The following ALDH1A2 variants were observed in gnomAD, a reference collection of about 807,000 sequenced individuals.
ALDH1A2 encodes retinal dehydrogenase 2.
In ALDH1A2, 27 loss-of-function variants were observed where a neutral mutation model predicts 60.3. That is an observed-to-expected ratio of 0.45 (90% CI 0.33 to 0.62). The LOEUF (loss-of-function observed/expected upper bound fraction) is 0.62. Among genes scored for constraint, ALDH1A2 ranks in the 20% least tolerant of loss-of-function variants. The probability of loss-of-function intolerance (pLI) is 0.02; values close to 1 mark genes in which losing one functional copy is unlikely to be tolerated. For missense variants in ALDH1A2, 581 were observed against 643.8 expected (o/e 0.90, Z 1.06); for synonymous variants, 289 against 232.4 (o/e 1.24, Z -2.21).
chr15:57,967,786 C>G (rs532803660), intron 7 of ALDH1A2, among the ~76,000 whole-genome samples: 6 of 152,286 alleles, frequency 3.9e-5, no homozygotes, highest in African/African-American at 9.6e-5. Flanking sequence ...GCCAGACTGC[C>G]CTTCCCCCGC....
At chr15:58,058,148 T>TA in intron 1 of ALDH1A2, 1 of 1,338,130 alleles carries the variant, frequency 7.5e-7, no homozygotes, top group African/African-American at 1.4e-5. Context: ...CATAAATTCA[T>TA]ACAGGCATTT....
At chr15:58,062,195 C>T (rs1361717719) in intron 1 of ALDH1A2, among the ~76,000 whole-genome samples, 1 of 151,982 alleles carries the variant, frequency 6.6e-6, no homozygotes, top group African/African-American at 2.4e-5. Flanking sequence ...TGTTTCAGCC[C>T]CATATAATAT....
intron 1 of ALDH1A2, among the ~76,000 whole-genome samples, chr15:58,021,039 T>C (rs1188638791): frequency 4.6e-5 from 7 of 152,222 alleles, no homozygotes; most frequent in African/African-American, 1.2e-4. Flanking sequence ...TTTTGTTTAA[T>C]AGTAGCATAG....
chr15:58,023,658 G>GGAAAAAAAAAAA (rs775450508), intron 1 of ALDH1A2, among the ~76,000 whole-genome samples: 8 of 129,424 alleles, frequency 6.2e-5, no homozygotes, highest in East Asian at 4.3e-4. Flanking sequence ...AAAGTGCTGG[G>GGAAAAAAAAAAA]AAAAAAAAAA....
chr15:58,016,236 G>A (rs1273419879), intron 1 of ALDH1A2, among the ~76,000 whole-genome samples: 5 of 151,548 alleles, frequency 3.3e-5, no homozygotes, highest in Admixed American at 6.6e-5. Flanking sequence ...TCTGCCGCCC[G>A]GGGTTCAAGT....
chr15:57,963,564 C>T (rs1035637271), intron 9 of ALDH1A2, among the ~76,000 whole-genome samples: 3 of 151,962 alleles, frequency 2.0e-5, no homozygotes, highest in South Asian at 2.1e-4. Flanking sequence ...AGGATGGTCT[C>T]GATCTCCTGA....
rs550878806 is a variant in ALDH1A2 at position 58,030,650 on chromosome 15, CA to C, written c.118-16370del. Among the ~76,000 whole-genome samples, 501 of 152,248 alleles carry C rather than the reference CA, an allele frequency of 3.3e-3. 3 individuals carry two copies. The highest frequency in any genetic ancestry group is 0.011 in the African/African-American group (474 of 41,532). ...GTATATTTCGAAAACCCCATTGTGTCAGCCCAAAATCTCCTTAATAGGCAAC... is the reference window on the plus strand; with the variant it reads ...GTATATTTCGAAAACCCCATTGTGTCGCCCAAAATCTCCTTAATAGGCAAC... On this transcript the variant is annotated intron_variant, in intron 1 of 12. Coordinates refer to ENST00000249750, the MANE Select transcript of ALDH1A2 (RefSeq NM_003888.4).
At chr15:58,061,316 T>A (rs1202699988) in intron 1 of ALDH1A2, among the ~76,000 whole-genome samples, 1 of 151,978 alleles carries the variant, frequency 6.6e-6, no homozygotes, top group African/African-American at 2.4e-5. Flanking sequence ...AACATGTAGT[T>A]TGACTGACAA....
chr15:58,062,243 T>A (rs1167835838), intron 1 of ALDH1A2, among the ~76,000 whole-genome samples: 1 of 151,846 alleles, frequency 6.6e-6, no homozygotes, highest in Non-Finnish European at 1.5e-5. Context: ...TTTGTTACTG[T>A]TAGTTATGGG....
chr15:57,977,043 G>A (rs1477038125), intron 7 of ALDH1A2, among the ~76,000 whole-genome samples: 3 of 150,256 alleles, frequency 2.0e-5, no homozygotes, highest in Non-Finnish European at 4.5e-5. Flanking sequence ...ATGTTTAACG[G>A]CCACGTCTTC....
intron 4 of ALDH1A2, among the ~76,000 whole-genome samples, chr15:58,008,994 C>T (rs1343031448): frequency 2.0e-5 from 3 of 152,072 alleles, no homozygotes; most frequent in Non-Finnish European, 4.4e-5. Flanking sequence ...ATCTTCTCCA[C>T]CCTTCTCAGT....
intron 4 of ALDH1A2, among the ~76,000 whole-genome samples, chr15:58,004,730 C>CATAT (rs33963185): frequency 0.38 from 53,206 of 140,170 alleles, 11,164 homozygotes; most frequent in South Asian, 0.69. Context: ...TATATATATA[C>CATAT]ATATATATAT....
rs138905254 is a variant in ALDH1A2, at chr15:58,002,025, C to T, written c.494-6886G>A. Among the ~76,000 whole-genome samples the T allele has an allele frequency of 1.3e-3, 191 of 151,860 alleles. 1 individual carries two copies. Among genetic ancestry groups the T allele is most frequent in the African/African-American group, 3.5e-3 (146 of 41,466 alleles). On this transcript the variant is annotated intron_variant, in intron 4 of 12. Coordinates refer to ENST00000249750, the MANE Select transcript of ALDH1A2 (RefSeq NM_003888.4). ...TTTCCCTTTCACTCAGAAGGTAAAA[C>T]GCAGACTAACAGATATTGCTCTTAA...
chr15:58,063,469 A>C (rs1897093134), intron 1 of ALDH1A2, among the ~76,000 whole-genome samples: 1 of 152,142 alleles, frequency 6.6e-6, no homozygotes, highest in Non-Finnish European at 1.5e-5. Context: ...GTTTTTAAAA[A>C]ACTCACTATT....
chr15:57,980,196 C>T (rs1294629073), intron 7 of ALDH1A2: 6 of 307,084 alleles, frequency 2.0e-5, no homozygotes, highest in Non-Finnish European at 4.1e-5. Flanking sequence ...AAGTTCTGCT[C>T]CTGCTTCTCT....
At chr15:57,975,532 C>G (rs1416404878) in intron 7 of ALDH1A2, among the ~76,000 whole-genome samples, 2 of 152,132 alleles carry the variant, frequency 1.3e-5, no homozygotes, top group African/African-American at 4.8e-5. Flanking sequence ...CTCCAATGAG[C>G]CTTTCCTTTG....
intron 9 of ALDH1A2, 62 bp from the exon 10 acceptor site, chr15:57,962,238 GT>G: frequency 6.3e-7 from 1 of 1,576,444 alleles, no homozygotes; most frequent in South Asian, 1.1e-5. Context: ...AAATAAGTAT[GT>G]TCTTGAGAAT....
chr15:58,032,822 A>C (rs1896277926), intron 1 of ALDH1A2, among the ~76,000 whole-genome samples: 1 of 151,670 alleles, frequency 6.6e-6, no homozygotes, highest in Non-Finnish European at 1.5e-5. Flanking sequence ...ACACGTGCGT[A>C]CCCAACGGAA....
At chr15:57,958,790 A>G (rs553565144) in intron 12 of ALDH1A2, among the ~76,000 whole-genome samples, 1 of 152,334 alleles carries the variant, frequency 6.6e-6, no homozygotes, top group East Asian at 1.9e-4. Context: ...CATTTAAGAA[A>G]GAGAAAACAT....
Sources: allele counts gnomAD v4.1 joint callset (sites outside exome capture counted in the v4.1 genomes callset), GRCh38; gene constraint gnomAD v4.1.1; transcripts MANE v1.5; gene names NCBI Gene and HGNC (gene_info 2026-07-23, HGNC 2026-07-21).